The following SMAD4 variants were observed in gnomAD, a reference collection of about 807,000 sequenced individuals.
SMAD4 encodes the protein MAD homolog 4.
Under a neutral mutation model 63.2 loss-of-function variants are expected in SMAD4, and 7 were observed. The observed-to-expected ratio is 0.11, with a 90% CI of 0.06 to 0.21. The LOEUF (loss-of-function observed/expected upper bound fraction) is 0.21. Ranked by LOEUF, SMAD4 falls within the 10% of genes least tolerant of loss-of-function variation. The pLI is 1.00. For missense variants in SMAD4, 312 were observed against 693.8 expected (o/e 0.45, Z 6.18); for synonymous variants, 215 against 235.4 (o/e 0.91, Z 0.79).
intron 10 of SMAD4, among the ~76,000 whole-genome samples, chr18:51,074,081 T>C (rs1264879641): frequency 6.6e-6 from 1 of 151,792 alleles, no homozygotes; most frequent in Non-Finnish European, 1.5e-5. Context: ...AAATAAACAA[T>C]GGGCAGAATA....
chr18:51,032,300 T>C (rs1909075217), intron 1 of SMAD4, among the ~76,000 whole-genome samples: 1 of 151,880 alleles, frequency 6.6e-6, no homozygotes, highest in Non-Finnish European at 1.5e-5. Context: ...GAAGTGGGAG[T>C]GTATGTTTCT....
rs747355315 is a variant in SMAD4 at position 51,079,165 on chromosome 18, A to G, written c.*698A>G. On this transcript the variant is annotated 3_prime_UTR_variant, in exon 12 of 12. Coordinates refer to ENST00000342988, the MANE Select transcript of SMAD4 (RefSeq NM_005359.6). Reference sequence around the variant, plus strand: ...TTACCAGACAAAAAAATTTAAAATTACGTTTGTTATTCCTAGTGGATGACT... The same window carrying G: ...TTACCAGACAAAAAAATTTAAAATTGCGTTTGTTATTCCTAGTGGATGACT... The G allele has an allele frequency of 6.9e-5, 16 of 232,796 alleles. No homozygotes were observed. The highest frequency in any genetic ancestry group is 1.0e-4 in the Non-Finnish European group (12 of 117,880). 14.4% of individuals were successfully genotyped at this position (232,796 alleles called of 1,614,324 possible). A position where few individuals can be genotyped will look rare whatever the true frequency, so the allele number is the denominator to read the frequency against.
chr18:51,073,388 T>TACACACACACACAC (rs201632233), intron 10 of SMAD4, among the ~76,000 whole-genome samples: 2 of 64,186 alleles, frequency 3.1e-5, no homozygotes, highest in African/African-American at 7.6e-5. Flanking sequence ...TATATATATA[T>TACACACACACACAC]ACACACACAC....
In SMAD4 at chr18:51,065,691, C is replaced by T. The variant is rs1910130664; in HGVS notation, c.1139+85C>T. The T allele has an allele frequency of 2.8e-6, 3 of 1,055,092 alleles. No homozygotes were observed. The African/African-American group carries it at 4.8e-5, about 17-fold the overall frequency. 65.4% of individuals were successfully genotyped at this position (1,055,092 alleles called of 1,614,324 possible). A position where few individuals can be genotyped will look rare whatever the true frequency, so the allele number is the denominator to read the frequency against. On this transcript the variant is annotated intron_variant, in intron 9 of 11. Transcript: ENST00000342988. Reference sequence around the variant, plus strand: ...ATTCAAGGTTATGTTTTCCCATGTACATTATATGTGTTCTTAAATATAAAT... The same window carrying T: ...ATTCAAGGTTATGTTTTCCCATGTATATTATATGTGTTCTTAAATATAAAT...
chr18:51,064,441 C>T (rs1278091829), intron 8 of SMAD4, among the ~76,000 whole-genome samples: 6 of 152,148 alleles, frequency 3.9e-5, no homozygotes, highest in Non-Finnish European at 8.8e-5. Context: ...TGCCCCTGCA[C>T]CTCTGTGAGA....
chr18:51,046,536 G>T (rs1321197896), intron 1 of SMAD4, among the ~76,000 whole-genome samples: 1 of 150,110 alleles, frequency 6.7e-6, no homozygotes, highest in Non-Finnish European at 1.5e-5. Context: ...ATAAATATTA[G>T]TAATAGACTT....
In SMAD4 at chr18:51,084,461, A is replaced by C. The variant is rs3819122; in HGVS notation, c.*5994A>C. ...CCCTTGGATGAGTACAATTAATGAA[A>C]TTCATATTTTCAAGGACCTGGGAGC... On this transcript the variant is annotated 3_prime_UTR_variant, in exon 12 of 12. Transcript: ENST00000342988. 85,464 of 202,100 alleles carry C rather than the reference A, an allele frequency of 0.42. 17,159 individuals are homozygous for C. Among genetic ancestry groups the C allele is most frequent in the East Asian group, 0.52 (7,144 of 13,688 alleles). The allele number at this position is 202,100 out of a possible 1,614,324, so 12.5% of individuals were successfully genotyped here.
At position 51,047,095 on chromosome 18, in the gene SMAD4, C is replaced by T. The variant is rs1555684997; in HGVS notation, c.49C>T (p.Leu17=). 1 of 1,613,594 alleles carries T rather than the reference C, an allele frequency of 6.2e-7. No individual in the cohort carries two copies. The highest frequency in any genetic ancestry group is 8.5e-7 in the Non-Finnish European group (1 of 1,179,582). ...TACACCAACAAGTAATGATGCCTGT[C>T]TGAGCATTGTGCATAGTTTGATGTG... ...TNTPTSNDAC[L]SIVHSLMCHR... Residue 17 remains leucine (L), a synonymous_variant, in exon 2 of 12, where the codon CTG becomes TTG. Coordinates refer to ENST00000342988, the MANE Select transcript of SMAD4 (RefSeq NM_005359.6).
At chr18:51,074,049 A>G (rs904212234) in intron 10 of SMAD4, among the ~76,000 whole-genome samples, 3 of 152,058 alleles carry the variant, frequency 2.0e-5, no homozygotes, top group Admixed American at 2.0e-4. Flanking sequence ...TTAAAACTCA[A>G]CAATAAAATA....
rs200236229 is a variant in SMAD4, at chr18:51,047,016, A to T, written c.-31A>T. 1 of 1,605,660 alleles carries T rather than the reference A, an allele frequency of 6.2e-7. No individual in the cohort carries two copies. The highest frequency in any genetic ancestry group is 1.3e-5 in the African/African-American group (1 of 74,826). On this transcript the variant is annotated 5_prime_UTR_variant, in exon 2 of 12. Transcript: ENST00000342988. ...CAAAATTGCTTCAGAAATTGGAGAC[A>T]TATTTGATTTAAAAGGAAAAACTTG...
chr18:51,066,680 A>G (rs951915349), intron 9 of SMAD4: 1 of 234,162 alleles, frequency 4.3e-6, no homozygotes, highest in Admixed American at 5.2e-5. Context: ...ATTTAATTTA[A>G]ATAGTCACAT....
chr18:51,035,508 C>G (rs554425996), intron 1 of SMAD4, among the ~76,000 whole-genome samples: 2 of 152,150 alleles, frequency 1.3e-5, no homozygotes, highest in South Asian at 2.1e-4. Context: ...GAGACCTCAT[C>G]TCTAAAATAA....
At position 51,058,377 on chromosome 18, in the gene SMAD4, A is replaced by G. The variant is rs762166596; in HGVS notation, c.825A>G (p.Pro275=). 1 of 1,614,058 alleles carries G rather than the reference A, an allele frequency of 6.2e-7. No individual in the cohort carries two copies. Among genetic ancestry groups the G allele is most frequent in the Admixed American group, 1.7e-5 (1 of 60,002 alleles). ...TTTWTGSRTA[P]YTPNLPHHQN... ...CCTGGACTGGAAGTAGGACTGCACC[A>G]TACACACCTAATTTGCCTCACCACC... is the stretch of plus-strand genomic sequence containing the variant. The change falls in exon 7 of 12, where the codon CCA becomes CCG. Residue 275 remains proline, a synonymous_variant. Transcript: ENST00000342988.
intron 1 of SMAD4, among the ~76,000 whole-genome samples, chr18:51,041,462 T>C (rs1909380201): frequency 6.6e-6 from 1 of 152,206 alleles, no homozygotes; most frequent in African/African-American, 2.4e-5. Flanking sequence ...GGCTGGATAA[T>C]TTATTTTGCG....
intron 10 of SMAD4, among the ~76,000 whole-genome samples, chr18:51,074,992 C>T (rs944385030): frequency 1.3e-5 from 2 of 152,132 alleles, no homozygotes; most frequent in Non-Finnish European, 2.9e-5. Flanking sequence ...TTACAGGCAT[C>T]TGCCACCATG....
intron 1 of SMAD4, among the ~76,000 whole-genome samples, chr18:51,045,442 CT>C (rs2144396925): frequency 6.6e-6 from 1 of 152,268 alleles, no homozygotes; most frequent in South Asian, 2.1e-4. Context: ...CTTCTTTATT[CT>C]TAAGCTAATG....
At chr18:51,031,911 T>TA (rs952412186) in intron 1 of SMAD4, among the ~76,000 whole-genome samples, 2 of 152,216 alleles carry the variant, frequency 1.3e-5, no homozygotes, top group Non-Finnish European at 2.9e-5. Context: ...GCTAAGGACT[T>TA]ACTCTCTCTA....
At chr18:51,037,107 C>T (rs1407168628) in intron 1 of SMAD4, among the ~76,000 whole-genome samples, 4 of 152,192 alleles carry the variant, frequency 2.6e-5, no homozygotes, top group African/African-American at 9.6e-5. Context: ...TTGCTTGAGC[C>T]TGGGAGACAG....
chr18:51,058,252 C>T lies in SMAD4; in HGVS notation c.787+8C>T, dbSNP rs749225244. 2.5e-6 allele frequency: 4 copies of T among 1,611,128 alleles called. No homozygotes were observed. Among genetic ancestry groups the T allele is most frequent in the Non-Finnish European group, 3.4e-6 (4 of 1,178,122 alleles). On this transcript the variant is annotated splice_region_variant and intron_variant, in intron 6 of 11. Coordinates refer to ENST00000342988, the MANE Select transcript of SMAD4 (RefSeq NM_005359.6). Reference sequence around the variant, plus strand: ...CAGCTACTTACCATCATAGTATGTACATACTTTAAAAAATCTTTTAAATAG... The same window carrying T: ...CAGCTACTTACCATCATAGTATGTATATACTTTAAAAAATCTTTTAAATAG...
Sources: allele counts gnomAD v4.1 joint callset (sites outside exome capture counted in the v4.1 genomes callset), GRCh38; gene constraint gnomAD v4.1.1; transcripts MANE v1.5; gene names NCBI Gene and HGNC (gene_info 2026-07-23, HGNC 2026-07-21).